AGK: variants seen among roughly 807,000 people sequenced by gnomAD.
The protein encoded by AGK is acylglycerol kinase, mitochondrial.
Under a neutral mutation model 66.4 loss-of-function variants are expected in AGK, and 52 were observed. The ratio of observed to expected loss-of-function variants is 0.78; its 90% CI spans 0.63 to 0.99. The LOEUF is 0.99. Ranked by LOEUF, AGK falls within the 50% of genes least tolerant of loss-of-function variation. The pLI, the probability that AGK is intolerant of heterozygous loss-of-function variation, is 0.00. For missense variants in AGK, 451 were observed against 506.6 expected, an observed-to-expected ratio of 0.89 and a Z score of 1.05; for synonymous variants, 182 against 181.1, an observed-to-expected ratio of 1.00 and a Z score of -0.04.
At chr7:141,635,085 T>C (rs1797141462) in intron 10 of AGK, among the ~76,000 whole-genome samples, 1 of 152,148 alleles carries the variant, frequency 6.6e-6, no homozygotes, top group African/African-American at 2.4e-5. Flanking sequence ...CCCAAAAAAG[T>C]CTGGTTAGGA....
rs1253422676 is a variant in AGK at position 141,557,843 on chromosome 7, T to A, written c.101+2276T>A. 2.6e-5 allele frequency among the ~76,000 whole-genome samples: 4 copies of A among 152,304 alleles called. No homozygotes were observed. In the East Asian group the frequency reaches 7.7e-4, roughly 29 times the overall value. On this transcript the variant is annotated intron_variant, in intron 2 of 15. Coordinates refer to ENST00000649286, the MANE Select transcript of AGK (RefSeq NM_018238.4). ...GTACTATTTAGCCTTTTTAAAAAATTGTGGTGAAAAAACACAGGACATAAA... is the reference window on the plus strand; with the variant it reads ...GTACTATTTAGCCTTTTTAAAAAATAGTGGTGAAAAAACACAGGACATAAA...
chr7:141,648,706 T>C (rs188773578), intron 13 of AGK, among the ~76,000 whole-genome samples: 115 of 152,354 alleles, frequency 7.5e-4, no homozygotes, highest in African/African-American at 2.6e-3. Context: ...GTAGCTCAAA[T>C]CATCCAGAGC....
chr7:141,610,758 C>T (rs1201048357), intron 5 of AGK, among the ~76,000 whole-genome samples: 3 of 152,178 alleles, frequency 2.0e-5, no homozygotes, highest in Non-Finnish European at 4.4e-5. Context: ...TAAGGTCACT[C>T]AGCTAAAAAG....
At position 141,583,261 on chromosome 7, in the gene AGK, G is replaced by A. The variant is rs191204795; in HGVS notation, c.102-9885G>A. Among the ~76,000 whole-genome samples, 259 of 151,934 alleles carry A rather than the reference G, an allele frequency of 1.7e-3. 1 individual carries two copies. The highest frequency in any genetic ancestry group is 3.3e-3 in the Non-Finnish European group (222 of 67,986). ...ACGTTTTAAGTTCTTGAGAACACAG[G>A]CTAAGGGAGAAGAAGGAGGAATGGA... is the stretch of plus-strand genomic sequence containing the variant. On this transcript the variant is annotated intron_variant, in intron 2 of 15. Transcript: ENST00000649286.
intron 6 of AGK, among the ~76,000 whole-genome samples, chr7:141,613,137 G>A (rs1048582997): frequency 2.0e-5 from 3 of 152,164 alleles, no homozygotes; most frequent in African/African-American, 4.8e-5. Flanking sequence ...CCTCTCAACA[G>A]CCCCATTTAT....
intron 8 of AGK, among the ~76,000 whole-genome samples, chr7:141,618,636 G>A (rs1439084675): frequency 2.0e-5 from 3 of 151,828 alleles, no homozygotes; most frequent in South Asian, 4.2e-4. Context: ...ACCTAGAAAA[G>A]TTTTTTTTGT....
intron 9 of AGK, among the ~76,000 whole-genome samples, chr7:141,631,716 A>G (rs911403560): frequency 1.3e-5 from 2 of 152,122 alleles, no homozygotes; most frequent in African/African-American, 4.8e-5. Flanking sequence ...TGTCAGCACA[A>G]CAGCCAGTGT....
At chr7:141,645,559 G>T (rs948634415) in intron 13 of AGK, among the ~76,000 whole-genome samples, 1 of 152,122 alleles carries the variant, frequency 6.6e-6, no homozygotes, top group African/African-American at 2.4e-5. Context: ...TAGGACCTCA[G>T]TACATGGTTA....
At chr7:141,578,681 G>T (rs1377380836) in intron 2 of AGK, among the ~76,000 whole-genome samples, 1 of 151,804 alleles carries the variant, frequency 6.6e-6, no homozygotes, top group Admixed American at 6.5e-5. Context: ...GACATTGTGG[G>T]GTTGTTAGAA....
At chr7:141,606,977 T>G (rs1243441619) in intron 5 of AGK, among the ~76,000 whole-genome samples, 1 of 152,192 alleles carries the variant, frequency 6.6e-6, no homozygotes, top group African/African-American at 2.4e-5. Flanking sequence ...TTCTCCATTG[T>G]GTTTTCATGG....
In AGK at chr7:141,573,955, T is replaced by A. The variant is rs181119241; in HGVS notation, c.101+18388T>A. 4.2e-3 allele frequency among the ~76,000 whole-genome samples: 633 copies of A among 152,302 alleles called. 3 individuals are homozygous for A. Among genetic ancestry groups the A allele is most frequent in the African/African-American group, 0.015 (603 of 41,554 alleles). ...CTCGTCATTTACTCTCCTTTTTTTT[T>A]AAATGTAAATAGATTTGAGTACCTT... On this transcript the variant is annotated intron_variant, in intron 2 of 15. Transcript: ENST00000649286.
chr7:141,556,540 CAAAAAAA>C (rs35273565), intron 2 of AGK, among the ~76,000 whole-genome samples: 1 of 88,120 alleles, frequency 1.1e-5, no homozygotes, highest in African/African-American at 4.3e-5. Flanking sequence ...GACCCTGTCT[CAAAAAAA>C]AAAAAAAAAA....
intron 2 of AGK, among the ~76,000 whole-genome samples, chr7:141,582,001 A>G (rs754543215): frequency 6.6e-6 from 1 of 151,910 alleles, no homozygotes; most frequent in Non-Finnish European, 1.5e-5. Flanking sequence ...TAAGAAAGGG[A>G]CGGACTTACC....
At chr7:141,560,033 A>G (rs1795304844) in intron 2 of AGK, among the ~76,000 whole-genome samples, 1 of 151,884 alleles carries the variant, frequency 6.6e-6, no homozygotes, top group Non-Finnish European at 1.5e-5. Context: ...GTGAATAGAG[A>G]TAATTTTACT....
chr7:141,582,806 G>A (rs934196742), intron 2 of AGK, among the ~76,000 whole-genome samples: 3 of 151,864 alleles, frequency 2.0e-5, no homozygotes, highest in African/African-American at 4.9e-5. Flanking sequence ...GAGGGGAGGT[G>A]ATAAAAGGAT....
intron 9 of AGK, among the ~76,000 whole-genome samples, chr7:141,629,365 A>G (rs965808667): frequency 2.6e-5 from 4 of 152,160 alleles, no homozygotes; most frequent in African/African-American, 9.7e-5. Context: ...TGCTGTGAAG[A>G]TCTGACTGTG....
intron 6 of AGK, among the ~76,000 whole-genome samples, chr7:141,612,711 A>C (rs930558001): frequency 4.6e-5 from 7 of 152,174 alleles, no homozygotes; most frequent in Admixed American, 6.5e-5. Flanking sequence ...AAAACATAAA[A>C]TTTATTAATA....
rs548706318 is a variant in AGK, at chr7:141,619,910, C to T, written c.519-1822C>T. The stretch of plus-strand genomic sequence containing the variant: ...CATGAATATTTATAGTAGCTTGATT[C>T]CTAACTGCCAAAAACTGGGAACAAT... On this transcript the variant is annotated intron_variant, in intron 8 of 15. Transcript: ENST00000649286. 9.9e-5 allele frequency among the ~76,000 whole-genome samples: 15 copies of T among 152,240 alleles called. No homozygotes were observed. In the East Asian group the frequency reaches 1.9e-3, roughly 20 times the overall value.
intron 13 of AGK, among the ~76,000 whole-genome samples, chr7:141,647,583 C>T (rs536394008): frequency 2.0e-5 from 3 of 152,204 alleles, no homozygotes; most frequent in Non-Finnish European, 4.4e-5. Flanking sequence ...GGAAGTTGCT[C>T]GAGATGAAAA....
Sources: allele counts gnomAD v4.1 joint callset (sites outside exome capture counted in the v4.1 genomes callset), GRCh38; gene constraint gnomAD v4.1.1; transcripts MANE v1.5; gene names NCBI Gene and HGNC (gene_info 2026-07-23, HGNC 2026-07-21).